Variants in FLT4 observed in about 807,000 individuals in gnomAD.
FLT4 encodes vascular endothelial growth factor receptor 3.
FLT4 carries 30 observed loss-of-function variants against 163.2 expected under a neutral mutation model. The ratio of observed to expected loss-of-function variants is 0.18; its 90% CI spans 0.14 to 0.25. The LOEUF (loss-of-function observed/expected upper bound fraction) is 0.25. Among genes scored for constraint, FLT4 ranks in the 10% least tolerant of loss-of-function variants. FLT4 has a pLI of 1.00. For missense variants in FLT4, 1,510 were observed against 1,863.8 expected (o/e 0.81, Z 3.50); for synonymous variants, 884 against 789.5 (o/e 1.12, Z -2.01).
At position 180,620,518 on chromosome 5, in the gene FLT4, C is replaced by G. The variant is rs1394660533; in HGVS notation, c.2406+91G>C. 2.5e-6 allele frequency: 3 copies of G among 1,216,978 alleles called. No individual in the cohort carries two copies. In the East Asian group the frequency reaches 7.2e-5, roughly 29 times the overall value. 75.4% of individuals were successfully genotyped at this position (1,216,978 alleles called of 1,614,324 possible). Reference sequence around the variant, plus strand: ...CCAGGAAACAAGGCTGCCAGGTGAACTAGGGCGGGCACCTTATTCTTTATC... The same window carrying G: ...CCAGGAAACAAGGCTGCCAGGTGAAGTAGGGCGGGCACCTTATTCTTTATC... On this transcript the variant is annotated intron_variant, in intron 16 of 29. Coordinates refer to ENST00000261937, the MANE Select transcript of FLT4 (RefSeq NM_182925.5). This position sits in a 1 kb window ranked among gnomAD's most constrained non-coding sequence, Gnocchi z 4.4.
rs1396047126 is a variant in FLT4 at position 180,630,846 on chromosome 5, G to A, written c.156-47C>T. On this transcript the variant is annotated intron_variant, in intron 2 of 29. Coordinates refer to ENST00000261937, the MANE Select transcript of FLT4 (RefSeq NM_182925.5). This position sits in a 1 kb window ranked among gnomAD's most constrained non-coding sequence, Gnocchi z 6.3. ...CAGGTGGGCCCCAGGGCAGCCCATG[G>A]GGACTGTCCCTGAGAAGCCTCCCTC... The A allele has an allele frequency of 6.4e-7, 1 of 1,561,604 alleles. No homozygotes were observed. The highest frequency in any genetic ancestry group is 1.2e-5 in the South Asian group (1 of 86,846).
In FLT4 at chr5:180,620,554, C is replaced by A. The variant is rs1581646546; in HGVS notation, c.2406+55G>T. On this transcript the variant is annotated intron_variant, in intron 16 of 29. Coordinates refer to ENST00000261937, the MANE Select transcript of FLT4 (RefSeq NM_182925.5). The surrounding 1 kb of genome is among the most constrained non-coding windows in gnomAD (Gnocchi z 4.4). The stretch of plus-strand genomic sequence containing the variant: ...ACCTTATTCTTTATCTTAGGGGCGG[C>A]CAGGGTGGGGAAGGCCTGAGAGAGA... 1.4e-6 allele frequency: 2 copies of A among 1,406,556 alleles called. No individual in the cohort carries two copies. Among genetic ancestry groups the A allele is most frequent in the East Asian group, 4.6e-5 (2 of 43,642 alleles). The allele number at this position is 1,406,556 out of a possible 1,614,324, so 87.1% of individuals were successfully genotyped here.
chr5:180,634,665 A>C (rs1270242238), intron 1 of FLT4, among the ~76,000 whole-genome samples: 1 of 130,536 alleles, frequency 7.7e-6, no homozygotes, highest in East Asian at 2.3e-4. Context: ...ACTGCACTCC[A>C]GCCTGGGCGA....
chr5:180,617,036 G>C (rs965380720), intron 21 of FLT4, 42 bp from the exon 22 acceptor site: 1 of 1,455,610 alleles, frequency 6.9e-7, no homozygotes, highest in African/African-American at 1.4e-5. Flanking sequence ...CGCCTCCTCC[G>C]CGGCCTCCAT....
chr5:180,611,149 G>A lies in FLT4; in HGVS notation c.3686+182C>T, dbSNP rs934579151. 3.3e-5 allele frequency among the ~76,000 whole-genome samples: 5 copies of A among 152,330 alleles called. No individual in the cohort carries two copies. In the East Asian group the frequency reaches 9.6e-4, roughly 29 times the overall value. The stretch of plus-strand genomic sequence containing the variant: ...GGACTCAAAAACAAGCACGCAGCCA[G>A]GCCACACGGCCGTGGAAGGACCCTG... On this transcript the variant is annotated intron_variant, in intron 27 of 29. Transcript: ENST00000261937.
intron 27 of FLT4, among the ~76,000 whole-genome samples, chr5:180,610,835 A>G (rs1762116495): frequency 6.6e-6 from 1 of 152,258 alleles, no homozygotes; most frequent in Admixed American, 6.5e-5. Flanking sequence ...AGGCAGGCAG[A>G]TCACGAGGTC....
chr5:180,642,706 G>A (rs369442903), intron 1 of FLT4, among the ~76,000 whole-genome samples: 24 of 152,284 alleles, frequency 1.6e-4, no homozygotes, highest in African/African-American at 5.1e-4. Context: ...CTGGAAGCAC[G>A]GAGCTCACAA....
rs761211590 is a variant in FLT4 at position 180,611,484 on chromosome 5, C to T, written c.3538-5G>A. 33 of 1,613,236 alleles carry T rather than the reference C, an allele frequency of 2.0e-5. No homozygotes were observed. The highest frequency in any genetic ancestry group is 5.0e-5 in the Admixed American group (3 of 59,988). The stretch of plus-strand genomic sequence containing the variant: ...CATGCAGACCTCCTCTTCCTCCTGG[C>T]GGGAACAGGAGAGGCAGCCAGGCCA... On this transcript the variant is annotated splice_region_variant and splice_polypyrimidine_tract_variant and intron_variant, in intron 26 of 29. Coordinates refer to ENST00000261937, the MANE Select transcript of FLT4 (RefSeq NM_182925.5).
At chr5:180,631,920 CTGGCCTCA>C (rs755733574) in intron 1 of FLT4, 142 bp from the exon 2 acceptor site, 1 of 123,648 alleles carries the variant, frequency 8.1e-6, no homozygotes, top group Non-Finnish European at 1.7e-5. Flanking sequence ...ACCGCGTGGC[CTGGCCTCA>C]CCATGTGCGC....
In FLT4 at chr5:180,601,628, G is replaced by A. The variant is rs1485913462; in HGVS notation, c.*1564C>T. The A allele has an allele frequency of 4.3e-6, 1 of 233,178 alleles. No homozygotes were observed. The highest frequency in any genetic ancestry group is 8.5e-6 in the Non-Finnish European group (1 of 118,086). 14.4% of individuals were successfully genotyped at this position (233,178 alleles called of 1,614,324 possible). On this transcript the variant is annotated 3_prime_UTR_variant, in exon 30 of 30. Transcript: ENST00000261937. ...TTTTTTTCCCGGTACATGCGTGGGT[G>A]GGTAGTGAGGAGAAGGGAGCAGAGG...
rs914548915 is a variant in FLT4, at chr5:180,620,558, G to A, written c.2406+51C>T. ...TATTCTTTATCTTAGGGGCGGCCAG[G>A]GTGGGGAAGGCCTGAGAGAGACTCC... is the stretch of plus-strand genomic sequence containing the variant. On this transcript the variant is annotated intron_variant, in intron 16 of 29. Transcript: ENST00000261937. This position sits in a 1 kb window ranked among gnomAD's most constrained non-coding sequence, Gnocchi z 4.4. The A allele has an allele frequency of 3.5e-6, 5 of 1,421,258 alleles. No homozygotes were observed. Among genetic ancestry groups the A allele is most frequent in the African/African-American group, 1.4e-5 (1 of 71,248 alleles). The allele number at this position is 1,421,258 out of a possible 1,614,324, so 88.0% of individuals were successfully genotyped here.
In FLT4 at chr5:180,631,011, A is replaced by G. The variant is rs73812627; in HGVS notation, c.156-212T>C. Among the ~76,000 whole-genome samples, 8,882 of 152,116 alleles carry G rather than the reference A, an allele frequency of 0.058. 868 individuals carry two copies. Among genetic ancestry groups the G allele is most frequent in the African/African-American group, 0.2 (8,419 of 41,462 alleles). On this transcript the variant is annotated intron_variant, in intron 2 of 29. Transcript: ENST00000261937. ...GGCTCCCGGGGCTGGCCTGTGGCCA[A>G]GCACAGGCCTTGGATCACAGCTGGG...
intron 18 of FLT4, 44 bp downstream of exon 18, chr5:180,619,621 C>T: frequency 6.8e-7 from 1 of 1,469,262 alleles, no homozygotes; most frequent in Non-Finnish European, 9.5e-7. Context: ...CGAGCTGCTG[C>T]TCCTCACCAG....
rs1761594572 is a variant in FLT4, at chr5:180,603,027, G to C, written c.*165C>G. ...TGGTGACGGAATTCCGGGAGCCTTG[G>C]GCCTGGAGTCCTGCTCTTCCTAGCT... On this transcript the variant is annotated 3_prime_UTR_variant, in exon 30 of 30. Coordinates refer to ENST00000261937, the MANE Select transcript of FLT4 (RefSeq NM_182925.5). The C allele has an allele frequency of 1.4e-6, 1 of 708,730 alleles. No homozygotes were observed. 43.9% of individuals were successfully genotyped at this position (708,730 alleles called of 1,614,324 possible). A position where few individuals can be genotyped will look rare whatever the true frequency, so the allele number is the denominator to read the frequency against.
chr5:180,613,626 TC>T, intron 24 of FLT4: 1 of 299,796 alleles, frequency 3.3e-6, no homozygotes, highest in Admixed American at 4.2e-5. Context: ...TCCTTTAGTT[TC>T]CGCAGTAGCG....
intron 1 of FLT4, among the ~76,000 whole-genome samples, chr5:180,640,548 C>T (rs1271423192): frequency 2.6e-5 from 4 of 152,262 alleles, no homozygotes; most frequent in Non-Finnish European, 2.9e-5. Flanking sequence ...CCACACCCCT[C>T]CTTGGGGCCT....
chr5:180,639,060 T>G (rs1764899150), intron 1 of FLT4, among the ~76,000 whole-genome samples: 1 of 150,222 alleles, frequency 6.7e-6, no homozygotes, highest in African/African-American at 2.5e-5. Context: ...GGTGCAAGGG[T>G]AGATGGATGG....
Position 180,631,747 on chromosome 5 carries a change from C to CG in FLT4, c.89dup (p.Thr31AspfsTer15), listed in dbSNP as rs755445139. 2 of 1,610,326 alleles carry CG rather than the reference C, an allele frequency of 1.2e-6. No individual in the cohort carries two copies. Reference sequence around the variant, plus strand: ...GTGACTCCTCCGTGATGTTCAAGGTCGGGGGGGTCATGGAGTAGCCACTCA... The same window carrying CG: ...GTGACTCCTCCGTGATGTTCAAGGTCGGGGGGGGTCATGGAGTAGCCACTCA... On this transcript the variant is annotated frameshift_variant, in exon 2 of 30. Transcript: ENST00000261937. LOFTEE classifies it high-confidence loss of function.
Position 180,619,754 on chromosome 5 carries a change from T to C in FLT4, c.2558A>G (p.Tyr853Cys). Residue 853 changes from tyrosine (Y) to cysteine (C), a missense_variant, in exon 18 of 30, where the codon TAC becomes TGC. By Grantham distance (194) the Tyr-to-Cys change is radical. This residue lies in a region of FLT4 where 878 missense variants were observed against 1,016.7 expected (regional missense o/e 0.86). Coordinates refer to ENST00000261937, the MANE Select transcript of FLT4 (RefSeq NM_182925.5). The stretch of plus-strand genomic sequence containing the variant: ...TTCCACCACCTTCCCGAAGGCGCCG[T>C]AGCCGAGCACTCTCCCTGTCGGGGC... ...ERLHLGRVLG[Y>C]GAFGKVVEAS... The C allele has an allele frequency of 6.2e-7, 1 of 1,612,210 alleles. No homozygotes were observed. Among genetic ancestry groups the C allele is most frequent in the Non-Finnish European group, 8.5e-7 (1 of 1,179,710 alleles).
Sources: gnomAD v4.1 joint callset for allele counts (sites outside exome capture counted in the v4.1 genomes callset) on GRCh38, gnomAD v4.1.1 for gene constraint, gnomAD v4.1.1 regional missense constraint, Gnocchi (gnomAD v3.1) non-coding constraint, MANE v1.5 for transcripts, NCBI Gene and HGNC (gene_info 2026-07-23, HGNC 2026-07-21) for gene names.